SLC8A1: variants seen among roughly 807,000 people sequenced by gnomAD.
SLC8A1 encodes solute carrier family 8 member A1.
SLC8A1 carries 18 observed loss-of-function variants against 68.3 expected under a neutral mutation model. The ratio of observed to expected loss-of-function variants is 0.26; its 90% CI spans 0.18 to 0.39. SLC8A1 has a LOEUF of 0.39. SLC8A1 is among the 10% of genes least tolerant of loss of function. The pLI is 1.00. For missense variants in SLC8A1, 985 were observed against 1,156.7 expected (o/e 0.85, Z 2.15); for synonymous variants, 475 against 415.5 (o/e 1.14, Z -1.74).
chr2:40,508,831 G>C (rs1468671396), intron 1 of SLC8A1, among the ~76,000 whole-genome samples: 1 of 152,086 alleles, frequency 6.6e-6, no homozygotes, highest in Non-Finnish European at 1.5e-5. Flanking sequence ...ATTGCATAAA[G>C]GAAATGATTC....
rs542186654 is a variant in SLC8A1, at chr2:40,146,907, T to C, written c.2162-7231A>G. Among the ~76,000 whole-genome samples the C allele has an allele frequency of 3.6e-3, 542 of 152,256 alleles. 1 individual carries two copies. Among genetic ancestry groups the C allele is most frequent in the Non-Finnish European group, 5.2e-3 (356 of 68,024 alleles). ...TTCTTAAGGGGTTTGGGCCAGGTGA[T>C]GTGTGACAGTATTGTAAAGGGCGTC... On this transcript the variant is annotated intron_variant, in intron 6 of 7. Transcript: ENST00000406785.
At chr2:40,359,746 C>CA (rs1381376017) in intron 2 of SLC8A1, among the ~76,000 whole-genome samples, 1 of 152,038 alleles carries the variant, frequency 6.6e-6, no homozygotes, top group Non-Finnish European at 1.5e-5. Flanking sequence ...TGGAAATATA[C>CA]AATTTAAGTC....
intron 2 of SLC8A1, among the ~76,000 whole-genome samples, chr2:40,410,005 GA>G (rs1157188499): frequency 6.6e-6 from 1 of 151,658 alleles, no homozygotes. Flanking sequence ...AGTGAGAAGG[GA>G]AAAAAAGGGG....
chr2:40,129,500 T>C (rs1463074324), intron 7 of SLC8A1, among the ~76,000 whole-genome samples: 1 of 152,098 alleles, frequency 6.6e-6, no homozygotes, highest in African/African-American at 2.4e-5. Context: ...CCTCCCAAAG[T>C]GTGGGGATTA....
intron 6 of SLC8A1, among the ~76,000 whole-genome samples, chr2:40,155,078 T>A (rs550414091): frequency 6.6e-6 from 1 of 152,150 alleles, no homozygotes; most frequent in East Asian, 1.9e-4. Context: ...TTTTTTTGGT[T>A]GTCTTCTAGA....
intron 1 of SLC8A1, among the ~76,000 whole-genome samples, chr2:40,504,062 G>A (rs1299323744): frequency 6.6e-6 from 1 of 152,050 alleles, no homozygotes; most frequent in Non-Finnish European, 1.5e-5. Flanking sequence ...TTATAATGCA[G>A]AGCTAGAGTA....
At chr2:40,436,482 G>C (rs561702800) in intron 1 of SLC8A1, among the ~76,000 whole-genome samples, 161 of 152,284 alleles carry the variant, frequency 1.1e-3, no homozygotes, top group Non-Finnish European at 1.9e-3. Context: ...GGGCTGGAAA[G>C]ACTGATCTCC....
chr2:40,417,262 AC>A (rs1694156939), intron 2 of SLC8A1, among the ~76,000 whole-genome samples: 1 of 151,984 alleles, frequency 6.6e-6, no homozygotes, highest in African/African-American at 2.4e-5. Flanking sequence ...TTATTTTGTC[AC>A]CCAGGTAATA....
upstream of SLC8A1, chr2:40,453,160 C>G (rs1383024084): frequency 6.6e-6 from 1 of 152,136 alleles, no homozygotes; most frequent in African/African-American, 2.4e-5. Flanking sequence ...ATCACACACA[C>G]CTGGGAATGT....
chr2:40,304,651 G>A (rs1448095592), intron 2 of SLC8A1, among the ~76,000 whole-genome samples: 2 of 152,024 alleles, frequency 1.3e-5, no homozygotes, highest in African/African-American at 2.4e-5. Context: ...CTAGAGTCTC[G>A]TCGTGCCCCT....
At chr2:40,308,055 C>T (rs988144175) in intron 2 of SLC8A1, among the ~76,000 whole-genome samples, 1 of 152,052 alleles carries the variant, frequency 6.6e-6, no homozygotes, top group Non-Finnish European at 1.5e-5. Flanking sequence ...AGTAAACAAA[C>T]ACTTTTCAAG....
chr2:40,230,186 G>C (rs544956593), intron 2 of SLC8A1, among the ~76,000 whole-genome samples: 2 of 152,224 alleles, frequency 1.3e-5, no homozygotes, highest in East Asian at 3.9e-4. Flanking sequence ...GGAAGGTCTC[G>C]CTAGTCCAGA....
intron 1 of SLC8A1, among the ~76,000 whole-genome samples, chr2:40,508,477 C>G (rs12471532): frequency 0.24 from 36,439 of 151,704 alleles, 5,648 homozygotes; most frequent in Non-Finnish European, 0.36. Context: ...TGATGATTTT[C>G]TAAAACAATA....
In SLC8A1 at chr2:40,099,199, C is replaced by G. The variant is rs553589584; in HGVS notation, c.*16054G>C. On this transcript the variant is annotated 3_prime_UTR_variant, in exon 8 of 8. Transcript: ENST00000406785. ...TCTATTCCCCCACAAAATTTTATCACTGAAACACACTGAAAGAATGTGCTG... is the reference window on the plus strand; with the variant it reads ...TCTATTCCCCCACAAAATTTTATCAGTGAAACACACTGAAAGAATGTGCTG... 7.2e-5 allele frequency: 11 copies of G among 152,156 alleles called. No homozygotes were observed. In the South Asian group the frequency reaches 2.3e-3, roughly 32 times the overall value. The allele number at this position is 152,156 out of a possible 1,614,324, so 9.4% of individuals were successfully genotyped here.
At chr2:40,373,521 G>A (rs1678824672) in intron 2 of SLC8A1, among the ~76,000 whole-genome samples, 1 of 152,100 alleles carries the variant, frequency 6.6e-6, no homozygotes, top group Admixed American at 6.5e-5. Context: ...TGGGGACTAA[G>A]AGCTCTTGAG....
chr2:40,277,367 C>A lies in SLC8A1; in HGVS notation c.1809-99512G>T, dbSNP rs187221416. Among the ~76,000 whole-genome samples, 312 of 152,178 alleles carry A rather than the reference C, an allele frequency of 2.1e-3. 2 individuals carry two copies. Among genetic ancestry groups the A allele is most frequent in the African/African-American group, 7.2e-3 (298 of 41,532 alleles). On this transcript the variant is annotated intron_variant, in intron 2 of 7. Transcript: ENST00000406785. ...CCAGCCTGGCCAACCTGGTGAAAAA[C>A]CGTCTCCACTAAAAACACAAAAATT...
At chr2:40,253,005 A>G (rs903584852) in intron 2 of SLC8A1, among the ~76,000 whole-genome samples, 46 of 133,040 alleles carry the variant, frequency 3.5e-4, no homozygotes, top group African/African-American at 1.0e-3. Flanking sequence ...ATATACATAT[A>G]TATGTATCTG....
chr2:40,204,605 T>A (rs968425686), intron 2 of SLC8A1, among the ~76,000 whole-genome samples: 1 of 152,002 alleles, frequency 6.6e-6, no homozygotes, highest in African/African-American at 2.4e-5. Context: ...GCGGAGCTAA[T>A]GTTGTCTTGT....
intron 2 of SLC8A1, among the ~76,000 whole-genome samples, chr2:40,358,742 A>G (rs1002216095): frequency 3.3e-5 from 5 of 152,212 alleles, no homozygotes; most frequent in African/African-American, 1.2e-4. Context: ...GAGAAGAAAC[A>G]GGCAAGACTC....
Sources: allele counts gnomAD v4.1 joint callset (sites outside exome capture counted in the v4.1 genomes callset), GRCh38; gene constraint gnomAD v4.1.1; transcripts MANE v1.5; gene names NCBI Gene and HGNC (gene_info 2026-07-23, HGNC 2026-07-21).